Variants in CCDC18 observed in about 807,000 individuals in gnomAD.
The protein encoded by CCDC18 is coiled-coil domain containing 18, also known as coiled-coil domain-containing protein 18.
A neutral mutation model predicts 196.0 loss-of-function variants in CCDC18; 157 were observed. That is an observed-to-expected ratio of 0.80 (90% CI 0.70 to 0.91). The LOEUF (loss-of-function observed/expected upper bound fraction) is 0.91. Among genes scored for constraint, CCDC18 ranks in the 40% least tolerant of loss-of-function variants. CCDC18 has a pLI of 0.00. For missense variants in CCDC18, 1,465 were observed against 1,611.6 expected, an observed-to-expected ratio of 0.91 and a Z score of 1.56; for synonymous variants, 482 against 529.2, an observed-to-expected ratio of 0.91 and a Z score of 1.22.
At chr1:93,255,614 T>C (rs1662844962) in intron 24 of CCDC18, among the ~76,000 whole-genome samples, 1 of 152,124 alleles carries the variant, frequency 6.6e-6, no homozygotes, top group South Asian at 2.1e-4. Context: ...TGCATGCCTG[T>C]GGTCCCAGCT....
At chr1:93,204,513 A>C (rs956121425) in intron 7 of CCDC18, among the ~76,000 whole-genome samples, 1 of 152,212 alleles carries the variant, frequency 6.6e-6, no homozygotes, top group Non-Finnish European at 1.5e-5. Flanking sequence ...GCAGTCAGGA[A>C]TGATGAGTTA....
rs776559539 is a variant in CCDC18 at position 93,186,342 on chromosome 1, C to T, written c.304-3C>T. 6.2e-7 allele frequency: 1 copy of T among 1,607,168 alleles called. No homozygotes were observed. Among genetic ancestry groups the T allele is most frequent in the Admixed American group, 1.7e-5 (1 of 59,044 alleles). On this transcript the variant is annotated splice_region_variant and splice_polypyrimidine_tract_variant and intron_variant, in intron 3 of 28. Coordinates refer to ENST00000690025, the MANE Select transcript of CCDC18 (RefSeq NM_001378204.1). Reference sequence around the variant, plus strand: ...ATATATTTGTTCTTTTTCATTCTTTCAGATGTTTTCATCTTCTGCCCCTGT... The same window carrying T: ...ATATATTTGTTCTTTTTCATTCTTTTAGATGTTTTCATCTTCTGCCCCTGT...
chr1:93,242,347 G>A (rs1352773124), intron 21 of CCDC18, among the ~76,000 whole-genome samples: 1 of 150,858 alleles, frequency 6.6e-6, no homozygotes, highest in Non-Finnish European at 1.5e-5. Context: ...GCTTGCGCAG[G>A]GAAACTCCGC....
chr1:93,217,267 T>C (rs960842104), intron 13 of CCDC18, among the ~76,000 whole-genome samples: 4 of 152,208 alleles, frequency 2.6e-5, no homozygotes, highest in Non-Finnish European at 5.9e-5. Context: ...GGATTGAAGA[T>C]AATGGTAGTT....
chr1:93,219,250 A>G (rs1439466228), intron 14 of CCDC18, among the ~76,000 whole-genome samples: 2 of 152,216 alleles, frequency 1.3e-5, no homozygotes, highest in East Asian at 1.9e-4. Context: ...CCATACTTGC[A>G]TGAATTTATT....
intron 28 of CCDC18, among the ~76,000 whole-genome samples, chr1:93,275,888 T>C (rs1424066861): frequency 1.3e-5 from 2 of 152,278 alleles, no homozygotes; most frequent in Non-Finnish European, 2.9e-5. Context: ...TTTGGTATGA[T>C]GAGTGACAAA....
chr1:93,201,817 A>C (rs964676680), intron 6 of CCDC18, 75 bp from the exon 7 acceptor site: 3 of 880,646 alleles, frequency 3.4e-6, no homozygotes, highest in African/African-American at 3.4e-5. Flanking sequence ...TTATAATTAA[A>C]GATTACTTTG....
rs1660461583 is a variant in CCDC18, at chr1:93,239,358, G to A, written c.2652G>A (p.Met884Ile). The change falls in exon 20 of 29, where the codon ATG becomes ATA. Residue 884 changes from methionine (M) to isoleucine (I), a missense_variant. Physicochemically the swap from Met to Ile is conservative, Grantham distance 10. Transcript: ENST00000690025. ...MDQYKEELSK[M>I]EKEIMHLKRD... ...AGTACAAAGAAGAGCTGTCTAAAATGGAAAAGGAAATAATGCACCTAAAAC... is the reference window on the plus strand; with the variant it reads ...AGTACAAAGAAGAGCTGTCTAAAATAGAAAAGGAAATAATGCACCTAAAAC... 6.2e-7 allele frequency: 1 copy of A among 1,613,102 alleles called. No individual in the cohort carries two copies. Among genetic ancestry groups the A allele is most frequent in the Non-Finnish European group, 8.5e-7 (1 of 1,179,452 alleles).
rs750115635 is a variant in CCDC18 at position 93,226,383 on chromosome 1, G to T, written c.2226G>T (p.Leu742Phe). The T allele has an allele frequency of 4.4e-6, 7 of 1,588,058 alleles. No homozygotes were observed. In the East Asian group the frequency reaches 1.6e-4, roughly 36 times the overall value. Residue 742 changes from leucine to phenylalanine, a missense_variant, in exon 17 of 29, where the codon TTG becomes TTT. Physicochemically the swap from Leu to Phe is conservative, Grantham distance 22. Coordinates refer to ENST00000690025, the MANE Select transcript of CCDC18 (RefSeq NM_001378204.1). ...ALEICKEELV[L>F]HLNQLEGNKE... Reference sequence around the variant, plus strand: ...AAATTTGTAAGGAAGAACTTGTCTTGCATTTGAATCAATTGGAAGGAAATA... The same window carrying T: ...AAATTTGTAAGGAAGAACTTGTCTTTCATTTGAATCAATTGGAAGGAAATA...
intron 13 of CCDC18, 97 bp from the exon 14 acceptor site, chr1:93,217,641 G>A: frequency 1.0e-6 from 1 of 1,004,260 alleles, no homozygotes; most frequent in Non-Finnish European, 1.4e-6. Context: ...GTCTTGCCGT[G>A]TTTCCCAGGC....
chr1:93,218,479 T>C (rs1656859229), intron 14 of CCDC18, among the ~76,000 whole-genome samples: 1 of 152,098 alleles, frequency 6.6e-6, no homozygotes, highest in African/African-American at 2.4e-5. Flanking sequence ...CTCATAAAAG[T>C]GTGTTCTCTC....
intron 28 of CCDC18, 149 bp from the exon 29 acceptor site, chr1:93,278,314 T>A (rs571807782): frequency 3.1e-6 from 1 of 325,536 alleles, no homozygotes; most frequent in Admixed American, 4.5e-5. Flanking sequence ...TGTGGTTCAT[T>A]ATTGACTTTT....
chr1:93,235,543 T>C (rs1659962643), intron 18 of CCDC18, among the ~76,000 whole-genome samples: 1 of 152,136 alleles, frequency 6.6e-6, no homozygotes, highest in South Asian at 2.1e-4. Context: ...ACAACATGCA[T>C]AGAAAACTTT....
intron 28 of CCDC18, chr1:93,271,318 T>A: frequency 2.0e-6 from 2 of 985,326 alleles, no homozygotes; most frequent in African/African-American, 1.7e-5. Flanking sequence ...CTCATCCTTA[T>A]AATTTTTCAC....
rs758922136 is a variant in CCDC18, at chr1:93,254,657, G to A, written c.3342+43G>A. ...ACCTAAGGAACAAGTGGTAGTCTCT[G>A]TTGAGTGAAATGAATCTTTATGTTT... is the stretch of plus-strand genomic sequence containing the variant. On this transcript the variant is annotated intron_variant, in intron 24 of 28. Coordinates refer to ENST00000690025, the MANE Select transcript of CCDC18 (RefSeq NM_001378204.1). 11 of 1,546,926 alleles carry A rather than the reference G, an allele frequency of 7.1e-6. No individual in the cohort carries two copies. In the South Asian group the frequency reaches 9.4e-5, roughly 13 times the overall value.
At chr1:93,262,862 G>T (rs1208763656) in intron 26 of CCDC18, among the ~76,000 whole-genome samples, 1 of 152,062 alleles carries the variant, frequency 6.6e-6, no homozygotes, top group Non-Finnish European at 1.5e-5. Flanking sequence ...CTCCACAGCA[G>T]ACTTCTGCTT....
intron 21 of CCDC18, 52 bp downstream of exon 21, chr1:93,239,948 CAAT>C: frequency 8.2e-7 from 1 of 1,213,082 alleles, no homozygotes; most frequent in Non-Finnish European, 1.2e-6. Context: ...TTGGATAATA[CAAT>C]AAAATATGTT....
chr1:93,274,075 G>A (rs1331431763), intron 28 of CCDC18, among the ~76,000 whole-genome samples: 1 of 152,138 alleles, frequency 6.6e-6, no homozygotes, highest in Non-Finnish European at 1.5e-5. Flanking sequence ...TAATTACATA[G>A]TTTGGTCTTG....
At chr1:93,233,858 A>G (rs1407686120) in intron 18 of CCDC18, among the ~76,000 whole-genome samples, 2 of 152,208 alleles carry the variant, frequency 1.3e-5, no homozygotes, top group African/African-American at 4.8e-5. Context: ...GGGCCTCCCA[A>G]AGTGCTGGGA....
Sources: allele counts gnomAD v4.1 joint callset (sites outside exome capture counted in the v4.1 genomes callset), GRCh38; gene constraint gnomAD v4.1.1; transcripts MANE v1.5; gene names NCBI Gene and HGNC (gene_info 2026-07-23, HGNC 2026-07-21).